Variants in PTCHD4 observed in about 807,000 individuals in gnomAD.
PTCHD4 encodes patched domain-containing protein 4.
PTCHD4 carries 33 observed loss-of-function variants against 58.1 expected under a neutral mutation model. The ratio of observed to expected loss-of-function variants is 0.57; its 90% confidence interval spans 0.43 to 0.76. The LOEUF is 0.76. Among genes scored for constraint, PTCHD4 ranks in the 30% least tolerant of loss-of-function variants. PTCHD4 has a pLI of 0.00. For synonymous variants in PTCHD4, 478 were observed against 409.6 expected (o/e 1.17, Z -2.02); for missense variants, 1,058 against 1,027.1 (o/e 1.03, Z -0.41).
At chr6:47,998,128 T>C (rs1205680851) in intron 4 of PTCHD4, among the ~76,000 whole-genome samples, 1 of 152,202 alleles carries the variant, frequency 6.6e-6, no homozygotes, top group African/African-American at 2.4e-5. Context: ...AGGAATGTTT[T>C]TTTTTCTTGG....
intron 4 of PTCHD4, among the ~76,000 whole-genome samples, chr6:47,970,868 C>A (rs1201003352): frequency 6.6e-6 from 1 of 152,156 alleles, no homozygotes; most frequent in Non-Finnish European, 1.5e-5. Flanking sequence ...TGAAAACATC[C>A]AAGTGTGGGG....
At chr6:48,059,987 T>A (rs1764560838) in intron 3 of PTCHD4, among the ~76,000 whole-genome samples, 3 of 152,186 alleles carry the variant, frequency 2.0e-5, no homozygotes, top group Admixed American at 2.0e-4. Flanking sequence ...CACAGCATCA[T>A]GTATTTTTCA....
At chr6:47,951,490 C>G (rs1240920466) in intron 4 of PTCHD4, among the ~76,000 whole-genome samples, 1 of 152,132 alleles carries the variant, frequency 6.6e-6, no homozygotes, top group Non-Finnish European at 1.5e-5. Flanking sequence ...AAAAATATAT[C>G]ACTGCAGCCA....
At chr6:48,092,408 T>A (rs2113903601) in intron 1 of PTCHD4, among the ~76,000 whole-genome samples, 1 of 152,316 alleles carries the variant, frequency 6.6e-6, no homozygotes, top group Non-Finnish European at 1.5e-5. Context: ...AGCTAGGGGA[T>A]CCATCGGCCA....
At chr6:47,934,424 G>A (rs1418597880) in intron 4 of PTCHD4, among the ~76,000 whole-genome samples, 2 of 151,726 alleles carry the variant, frequency 1.3e-5, no homozygotes, top group East Asian at 3.9e-4. Context: ...AATTATGTAT[G>A]GAAATTTTCT....
chr6:47,909,427 A>C (rs1764996523), intron 4 of PTCHD4, among the ~76,000 whole-genome samples: 1 of 152,136 alleles, frequency 6.6e-6, no homozygotes, highest in Non-Finnish European at 1.5e-5. Flanking sequence ...TTTTCTTAAT[A>C]TATTTAAATT....
At chr6:48,021,737 A>C (rs1275271605) in intron 3 of PTCHD4, among the ~76,000 whole-genome samples, 2 of 152,174 alleles carry the variant, frequency 1.3e-5, no homozygotes, top group Non-Finnish European at 2.9e-5. Flanking sequence ...TCATTTATGA[A>C]GTCCACTTTT....
chr6:47,966,196 G>A (rs1382435949), intron 4 of PTCHD4, among the ~76,000 whole-genome samples: 1 of 152,098 alleles, frequency 6.6e-6, no homozygotes, highest in Non-Finnish European at 1.5e-5. Flanking sequence ...TATATAGCAG[G>A]TTCAGTTCCA....
intron 1 of PTCHD4, among the ~76,000 whole-genome samples, chr6:48,082,867 T>C (rs1765194058): frequency 6.6e-6 from 1 of 152,022 alleles, no homozygotes; most frequent in Admixed American, 6.6e-5. Context: ...TATTTTGATA[T>C]AATTTAGTGC....
chr6:47,901,547 A>G (rs1196625382), intron 4 of PTCHD4: 23 of 1,011,970 alleles, frequency 2.3e-5, no homozygotes, highest in Non-Finnish European at 2.6e-5. Context: ...TTCATCACTA[A>G]ACAGTACTTA....
At chr6:47,927,508 C>A (rs964726216) in intron 4 of PTCHD4, among the ~76,000 whole-genome samples, 2 of 152,052 alleles carry the variant, frequency 1.3e-5, no homozygotes, top group African/African-American at 4.8e-5. Flanking sequence ...AAAACAATGA[C>A]CTTTTAATCT....
At chr6:48,064,679 T>C (rs1764739170) in intron 3 of PTCHD4, among the ~76,000 whole-genome samples, 1 of 152,160 alleles carries the variant, frequency 6.6e-6, no homozygotes, top group Non-Finnish European at 1.5e-5. Flanking sequence ...AATTTTGTGA[T>C]ATAGCAGTAT....
At position 47,867,378 on chromosome 6, in the gene PTCHD4, G is replaced by C. The variant is rs1227167813; in HGVS notation, c.*10925C>G. ...TTTATGTGATATTGCTCAGTTTTGG[G>C]ATCCTTGATTTTAACAGTTAAAATT... On this transcript the variant is annotated 3_prime_UTR_variant, in exon 5 of 5. Coordinates refer to ENST00000339488, the MANE Select transcript of PTCHD4 (RefSeq NM_001384253.1). 6.6e-6 allele frequency among the ~76,000 whole-genome samples: 1 copy of C among 151,722 alleles called. No individual in the cohort carries two copies. Among genetic ancestry groups the C allele is most frequent in the East Asian group, 1.9e-4 (1 of 5,136 alleles).
At chr6:48,049,823 G>A (rs1030015020) in intron 3 of PTCHD4, among the ~76,000 whole-genome samples, 1 of 151,826 alleles carries the variant, frequency 6.6e-6, no homozygotes, top group Admixed American at 6.6e-5. Context: ...CTCCATAAAT[G>A]TTTATTCACC....
chr6:48,076,771 C>G (rs1278000257), intron 1 of PTCHD4, among the ~76,000 whole-genome samples: 3 of 152,134 alleles, frequency 2.0e-5, no homozygotes, highest in African/African-American at 7.2e-5. Context: ...TCCAGGGATG[C>G]CTTGTGCTCG....
intron 1 of PTCHD4, among the ~76,000 whole-genome samples, chr6:48,097,538 A>T (rs993217996): frequency 6.6e-6 from 1 of 152,174 alleles, no homozygotes; most frequent in Non-Finnish European, 1.5e-5. Context: ...TCAATAATAG[A>T]GTAAGAAATA....
rs868331465 is a variant in PTCHD4, at chr6:47,873,704, C to T, written c.*4599G>A. 4.0e-5 allele frequency among the ~76,000 whole-genome samples: 6 copies of T among 151,438 alleles called. No homozygotes were observed. Among genetic ancestry groups the T allele is most frequent in the Non-Finnish European group, 5.9e-5 (4 of 67,712 alleles). On this transcript the variant is annotated 3_prime_UTR_variant, in exon 5 of 5. Coordinates refer to ENST00000339488, the MANE Select transcript of PTCHD4 (RefSeq NM_001384253.1). ...GATTTAAAATATTAGCATAAAGGTCCGCACCACAGTGATGATGTTCAATTT... is the reference window on the plus strand; with the variant it reads ...GATTTAAAATATTAGCATAAAGGTCTGCACCACAGTGATGATGTTCAATTT...
chr6:47,877,139 G>A lies in PTCHD4; in HGVS notation c.*1164C>T, dbSNP rs1763868332. Among the ~76,000 whole-genome samples the A allele has an allele frequency of 6.6e-6, 1 of 152,032 alleles. No individual in the cohort carries two copies. The highest frequency in any genetic ancestry group is 1.5e-5 in the Non-Finnish European group (1 of 67,968). On this transcript the variant is annotated 3_prime_UTR_variant, in exon 5 of 5. Transcript: ENST00000339488. ...TCCTTATGCTAAGAACTAGTAGATG[G>A]CATGTGATGAGTGGGTATGGTCCAT...
chr6:47,990,925 A>T (rs928124921), intron 4 of PTCHD4, among the ~76,000 whole-genome samples: 1 of 152,194 alleles, frequency 6.6e-6, no homozygotes, highest in African/African-American at 2.4e-5. Flanking sequence ...TTTTATCTAG[A>T]TGCTACAAAG....
Sources: gnomAD v4.1 joint callset for allele counts (sites outside exome capture counted in the v4.1 genomes callset) on GRCh38, gnomAD v4.1.1 for gene constraint, MANE v1.5 for transcripts, NCBI Gene and HGNC (gene_info 2026-07-23, HGNC 2026-07-21) for gene names.